SPIDR: variants seen among roughly 807,000 people sequenced by gnomAD.
The protein encoded by SPIDR is scaffold protein involved in DNA repair.
In SPIDR, 93 loss-of-function variants were observed where a neutral mutation model predicts 104.6. That is an observed-to-expected ratio of 0.89 (90% CI 0.75 to 1.06). The LOEUF is 1.06. Among genes scored for constraint, SPIDR ranks in the 50% least tolerant of loss-of-function variants. The pLI, the probability that SPIDR is intolerant of heterozygous loss-of-function variation, is 0.00. For missense variants in SPIDR, 1,154 were observed against 1,111.2 expected, an observed-to-expected ratio of 1.04 and a Z score of -0.55; for synonymous variants, 431 against 416.9, an observed-to-expected ratio of 1.03 and a Z score of -0.41.
chr8:47,416,106 T>C (rs1247009580), intron 7 of SPIDR, among the ~76,000 whole-genome samples: 2 of 152,108 alleles, frequency 1.3e-5, no homozygotes, highest in Admixed American at 1.3e-4. Flanking sequence ...TAGCCAGGTG[T>C]GGTGGCAGGC....
chr8:47,546,907 C>G, intron 8 of SPIDR: 1 of 448,212 alleles, frequency 2.2e-6, no homozygotes, highest in Non-Finnish European at 4.3e-6. Context: ...GTTGCCCTTG[C>G]CAGTAACAAA....
In SPIDR at chr8:47,736,272, A is replaced by T. The variant is rs1011563463; in HGVS notation, c.*822A>T. 6.6e-6 allele frequency: 1 copy of T among 152,268 alleles called. No homozygotes were observed. Among genetic ancestry groups the T allele is most frequent in the Admixed American group, 6.5e-5 (1 of 15,292 alleles). The allele number at this position is 152,268 out of a possible 1,614,324, so 9.4% of individuals were successfully genotyped here. On this transcript the variant is annotated 3_prime_UTR_variant, in exon 20 of 20. Coordinates refer to ENST00000297423, the MANE Select transcript of SPIDR (RefSeq NM_001080394.4). ...TACACGTAGCAGCCGTGACCAAGAC[A>T]TGGTGCCCTAATACCAAGTGTTCTT...
intron 5 of SPIDR, among the ~76,000 whole-genome samples, chr8:47,352,531 A>G (rs1178254346): frequency 6.6e-6 from 1 of 152,092 alleles, no homozygotes; most frequent in Non-Finnish European, 1.5e-5. Flanking sequence ...AACATTTTTC[A>G]TTGTGGTGGA....
chr8:47,387,996 T>G (rs2154304898), intron 5 of SPIDR, among the ~76,000 whole-genome samples: 1 of 152,320 alleles, frequency 6.6e-6, no homozygotes, highest in South Asian at 2.1e-4. Flanking sequence ...CTCTAAACTC[T>G]CAGTTGTCTA....
chr8:47,300,686 T>A (rs1201788435), intron 5 of SPIDR, among the ~76,000 whole-genome samples: 1 of 152,240 alleles, frequency 6.6e-6, no homozygotes, highest in Non-Finnish European at 1.5e-5. Context: ...TCTTTATTTC[T>A]GCCTTCATTT....
intron 8 of SPIDR, among the ~76,000 whole-genome samples, chr8:47,456,765 C>T (rs1318996704): frequency 6.6e-6 from 1 of 152,118 alleles, no homozygotes; most frequent in Non-Finnish European, 1.5e-5. Flanking sequence ...CACTTCCCAC[C>T]CTTCCCCAAC....
chr8:47,405,204 TGTG>T (rs1361075296), intron 6 of SPIDR, among the ~76,000 whole-genome samples: 7 of 151,270 alleles, frequency 4.6e-5, no homozygotes, highest in African/African-American at 1.5e-4. Context: ...GGGCCTGTCA[TGTG>T]GTGGGGGGAT....
chr8:47,354,430 C>A (rs908481838), intron 5 of SPIDR, among the ~76,000 whole-genome samples: 2 of 151,450 alleles, frequency 1.3e-5, no homozygotes, highest in Non-Finnish European at 2.9e-5. Context: ...TTATTGATCA[C>A]TCATTTGGCA....
chr8:47,547,274 C>T, intron 8 of SPIDR: 1 of 597,412 alleles, frequency 1.7e-6, no homozygotes, highest in Non-Finnish European at 3.3e-6. Flanking sequence ...GCAAAGCAAC[C>T]CTTGGTGTCA....
chr8:47,303,087 C>G (rs1340012493), intron 5 of SPIDR, among the ~76,000 whole-genome samples: 2 of 152,232 alleles, frequency 1.3e-5, no homozygotes, highest in Non-Finnish European at 2.9e-5. Context: ...CTGTGGTGCG[C>G]TCCACCCAGT....
At chr8:47,661,034 C>A in intron 10 of SPIDR, 1 of 922,642 alleles carries the variant, frequency 1.1e-6, no homozygotes, top group Non-Finnish European at 1.3e-6. Context: ...CGTGTCCATT[C>A]GTGTCATGTG....
chr8:47,290,198 C>T lies in SPIDR; in HGVS notation c.257-835C>T, dbSNP rs369813647. ...CTGGGATTACAGGCACCCGCAACCACGCCTGGCTAATTTTTTGTATTTTTA... is the reference window on the plus strand; with the variant it reads ...CTGGGATTACAGGCACCCGCAACCATGCCTGGCTAATTTTTTGTATTTTTA... On this transcript the variant is annotated intron_variant, in intron 3 of 19. Coordinates refer to ENST00000297423, the MANE Select transcript of SPIDR (RefSeq NM_001080394.4). Among the ~76,000 whole-genome samples the T allele has an allele frequency of 3.9e-5, 6 of 152,166 alleles. No homozygotes were observed. The East Asian group carries it at 7.7e-4, about 20-fold the overall frequency.
At chr8:47,607,959 A>G (rs2063162430) in intron 10 of SPIDR, among the ~76,000 whole-genome samples, 1 of 150,294 alleles carries the variant, frequency 6.7e-6, no homozygotes, top group Admixed American at 6.6e-5. Flanking sequence ...TTATTGATAC[A>G]TAATTCACAT....
intron 3 of SPIDR, among the ~76,000 whole-genome samples, chr8:47,288,917 AT>A (rs1204867917): frequency 6.6e-6 from 1 of 152,200 alleles, no homozygotes. Flanking sequence ...TTGTGCCACC[AT>A]TATTCCATGA....
At position 47,724,738 on chromosome 8, in the gene SPIDR, G is replaced by A. The variant is rs55695627; in HGVS notation, c.2342-2462G>A. On this transcript the variant is annotated intron_variant, in intron 16 of 19. Transcript: ENST00000297423. The stretch of plus-strand genomic sequence containing the variant: ...AGCAGTCACTCACTGAGAGCTGGCA[G>A]CATCCCTCTGTCCATCCAGGTCTCA... Among the ~76,000 whole-genome samples, 1,443 of 152,306 alleles carry A rather than the reference G, an allele frequency of 9.5e-3. 19 individuals are homozygous for A. The highest frequency in any genetic ancestry group is 0.033 in the African/African-American group (1,368 of 41,566).
chr8:47,660,004 T>C (rs2073829900), intron 10 of SPIDR, among the ~76,000 whole-genome samples: 1 of 152,224 alleles, frequency 6.6e-6, no homozygotes, highest in Non-Finnish European at 1.5e-5. Flanking sequence ...ACGTTTGCTG[T>C]GCTCTCGCTG....
intron 8 of SPIDR, among the ~76,000 whole-genome samples, chr8:47,469,261 C>T (rs2075330615): frequency 6.6e-6 from 1 of 152,164 alleles, no homozygotes; most frequent in South Asian, 2.1e-4. Context: ...TAAATTCCTT[C>T]AACCATTGTG....
intron 8 of SPIDR, among the ~76,000 whole-genome samples, chr8:47,544,561 T>A (rs2088882146): frequency 6.6e-6 from 1 of 152,212 alleles, no homozygotes. Flanking sequence ...TTTTTCTGTT[T>A]TTTGCCTGTG....
At chr8:47,433,398 T>G (rs782472096) in intron 7 of SPIDR, among the ~76,000 whole-genome samples, 20 of 152,222 alleles carry the variant, frequency 1.3e-4, no homozygotes, top group Non-Finnish European at 2.4e-4. Context: ...TTCACACATC[T>G]GAAGATAGAA....
Sources: gnomAD v4.1 joint callset for allele counts (sites outside exome capture counted in the v4.1 genomes callset) on GRCh38, gnomAD v4.1.1 for gene constraint, MANE v1.5 for transcripts, NCBI Gene and HGNC (gene_info 2026-07-23, HGNC 2026-07-21) for gene names.